The following SDK1 variants were observed in gnomAD, a reference collection of about 807,000 sequenced individuals.
SDK1 encodes the protein sidekick cell adhesion molecule 1, also known as protein sidekick-1.
In SDK1, 157 loss-of-function variants were observed where a neutral mutation model predicts 245.5. The observed-to-expected ratio is 0.64, with a 90% CI of 0.56 to 0.73. The LOEUF is 0.73. SDK1 is among the 30% of genes least tolerant of loss of function. SDK1 has a pLI of 0.00. For synonymous variants in SDK1, 1,647 were observed against 1,278.5 expected, an observed-to-expected ratio of 1.29 and a Z score of -6.15; for missense variants, 3,583 against 3,002.3, an observed-to-expected ratio of 1.19 and a Z score of -4.52.
At chr7:3,587,805 A>G (rs946038970) in intron 1 of SDK1, among the ~76,000 whole-genome samples, 2 of 152,328 alleles carry the variant, frequency 1.3e-5, no homozygotes, top group East Asian at 3.9e-4. Flanking sequence ...CTAGCTTTCC[A>G]TGGGTAGACA....
intron 5 of SDK1, among the ~76,000 whole-genome samples, chr7:3,861,680 C>A (rs1341709586): frequency 6.6e-6 from 1 of 152,112 alleles, no homozygotes; most frequent in African/African-American, 2.4e-5. Flanking sequence ...CTTCATGAGC[C>A]TGAAGTAATT....
At chr7:3,677,020 C>T (rs947660680) in intron 4 of SDK1, among the ~76,000 whole-genome samples, 1 of 152,160 alleles carries the variant, frequency 6.6e-6, no homozygotes, top group African/African-American at 2.4e-5. Context: ...CCAAGGATTC[C>T]TGCACCTCTT....
intron 1 of SDK1, among the ~76,000 whole-genome samples, chr7:3,597,210 T>A (rs1446482533): frequency 6.7e-6 from 1 of 148,730 alleles, no homozygotes; most frequent in Non-Finnish European, 1.5e-5. Flanking sequence ...AGGCGGAGCT[T>A]GCAGTGAGCC....
At chr7:4,145,605 C>T (rs1779912017) in intron 28 of SDK1, 117 bp from the exon 29 acceptor site, 1 of 904,316 alleles carries the variant, frequency 1.1e-6, no homozygotes, top group Non-Finnish European at 1.7e-6. Flanking sequence ...CAGTGACCTC[C>T]AGAGACGGGG....
chr7:3,592,744 A>G (rs1195445570), intron 1 of SDK1, among the ~76,000 whole-genome samples: 1 of 152,188 alleles, frequency 6.6e-6, no homozygotes, highest in Non-Finnish European at 1.5e-5. Flanking sequence ...ACCGCTTTAT[A>G]TAAAGAACTT....
intron 4 of SDK1, among the ~76,000 whole-genome samples, chr7:3,750,496 C>T (rs570225302): frequency 8.5e-5 from 13 of 152,180 alleles, no homozygotes; most frequent in Non-Finnish European, 1.8e-4. Context: ...ATAGGAACAG[C>T]GGGATTTTGC....
intron 1 of SDK1, among the ~76,000 whole-genome samples, chr7:3,509,780 A>G (rs968025459): frequency 1.3e-5 from 2 of 152,234 alleles, no homozygotes; most frequent in Admixed American, 1.3e-4. Flanking sequence ...TAAGAAAAGC[A>G]GCATGACAGA....
At chr7:4,176,145 T>TTTTTC (rs995108273) in intron 34 of SDK1, among the ~76,000 whole-genome samples, 13 of 152,114 alleles carry the variant, frequency 8.5e-5, no homozygotes, top group East Asian at 3.9e-4. Flanking sequence ...GAAACACTCT[T>TTTTTC]TTTTCTTTTC....
chr7:3,581,026 A>G (rs546910402), intron 1 of SDK1, among the ~76,000 whole-genome samples: 1 of 149,844 alleles, frequency 6.7e-6, no homozygotes, highest in Admixed American at 6.8e-5. Flanking sequence ...CAATCTATGC[A>G]TTACCATTCT....
At chr7:3,601,091 C>T (rs1221935093) in intron 1 of SDK1, among the ~76,000 whole-genome samples, 5 of 151,958 alleles carry the variant, frequency 3.3e-5, no homozygotes, top group African/African-American at 7.2e-5. Context: ...GTTGCATATA[C>T]GTTATTTTAA....
chr7:4,183,939 CCAACCCTGCA>C (rs1782736435), intron 35 of SDK1, among the ~76,000 whole-genome samples: 3 of 152,212 alleles, frequency 2.0e-5, no homozygotes, highest in African/African-American at 7.2e-5. Context: ...CCTGGCAGTG[CCAACCCTGCA>C]AGTGGACATC....
intron 28 of SDK1, among the ~76,000 whole-genome samples, chr7:4,139,045 A>C (rs931546115): frequency 2.2e-4 from 34 of 152,200 alleles, no homozygotes; most frequent in Admixed American, 2.1e-3. Flanking sequence ...CGCACACTGC[A>C]GCTCCCCCCG....
chr7:3,308,372 A>G (rs1779470147), intron 1 of SDK1, among the ~76,000 whole-genome samples: 1 of 152,152 alleles, frequency 6.6e-6, no homozygotes, highest in Non-Finnish European at 1.5e-5. Flanking sequence ...TTTGTGCTTA[A>G]CATAATGTTA....
chr7:4,071,277 G>A (rs111259492), intron 20 of SDK1, among the ~76,000 whole-genome samples: 13 of 151,168 alleles, frequency 8.6e-5, no homozygotes, highest in Admixed American at 2.0e-4. Flanking sequence ...CACCCACTTC[G>A]GCCTCCCAAA....
At chr7:4,125,292 G>A (rs896178527) in intron 25 of SDK1, among the ~76,000 whole-genome samples, 3 of 151,210 alleles carry the variant, frequency 2.0e-5, no homozygotes, top group East Asian at 4.0e-4. Flanking sequence ...TAGATGGATA[G>A]ATGGATGGAG....
intron 4 of SDK1, among the ~76,000 whole-genome samples, chr7:3,671,571 G>C (rs1486062540): frequency 6.6e-6 from 1 of 152,090 alleles, no homozygotes; most frequent in Admixed American, 6.6e-5. Context: ...TATCATTGCT[G>C]TTATACCTAT....
intron 1 of SDK1, among the ~76,000 whole-genome samples, chr7:3,332,210 C>G (rs1780085787): frequency 6.6e-6 from 1 of 152,056 alleles, no homozygotes; most frequent in African/African-American, 2.4e-5. Flanking sequence ...TAAAAAATTT[C>G]TTTATTGAAT....
chr7:3,690,135 A>C (rs1220265401), intron 4 of SDK1, among the ~76,000 whole-genome samples: 2 of 152,192 alleles, frequency 1.3e-5, no homozygotes, highest in East Asian at 3.9e-4. Context: ...TTTTGGAAAA[A>C]TCTGGAATGG....
At chr7:3,558,593 G>C (rs961289071) in intron 1 of SDK1, among the ~76,000 whole-genome samples, 1 of 152,226 alleles carries the variant, frequency 6.6e-6, no homozygotes, top group African/African-American at 2.4e-5. Flanking sequence ...GCTCTGTGAA[G>C]GGAGTAAGAG....
Sources: allele counts gnomAD v4.1 joint callset (sites outside exome capture counted in the v4.1 genomes callset), GRCh38; gene constraint gnomAD v4.1.1; transcripts MANE v1.5; gene names NCBI Gene and HGNC (gene_info 2026-07-23, HGNC 2026-07-21).